The following FAM171A1 variants were observed in gnomAD, a reference collection of about 807,000 sequenced individuals.
The protein encoded by FAM171A1 is family with sequence similarity 171 member A1, also known as protein FAM171A1.
In FAM171A1, 23 loss-of-function variants were observed where a neutral mutation model predicts 74.9. That is an observed-to-expected ratio of 0.31 (90% CI 0.22 to 0.44). The LOEUF (loss-of-function observed/expected upper bound fraction) is 0.44, where lower values mean the gene tolerates loss of function less well. FAM171A1 is among the 20% of genes least tolerant of loss of function. The pLI, the probability that FAM171A1 is intolerant of heterozygous loss-of-function variation, is 1.00. For missense variants in FAM171A1, 1,162 were observed against 1,159.2 expected (o/e 1.00, Z -0.03); for synonymous variants, 527 against 505.7 (o/e 1.04, Z -0.57).
At chr10:15,217,421 T>TA (rs1459239448) in intron 6 of FAM171A1, among the ~76,000 whole-genome samples, 10 of 152,178 alleles carry the variant, frequency 6.6e-5, no homozygotes, top group Admixed American at 2.6e-4. Flanking sequence ...ATAGACTTTT[T>TA]AAAAAATCTT....
chr10:15,294,911 TTTTTG>T (rs771396776), intron 1 of FAM171A1, among the ~76,000 whole-genome samples: 2 of 152,004 alleles, frequency 1.3e-5, no homozygotes, highest in Admixed American at 6.6e-5. Flanking sequence ...TTGTTTTTTG[TTTTTG>T]TTTTGTTTTG....
At chr10:15,333,392 T>C (rs1254997707) in intron 1 of FAM171A1, among the ~76,000 whole-genome samples, 1 of 152,116 alleles carries the variant, frequency 6.6e-6, no homozygotes, top group Non-Finnish European at 1.5e-5. Flanking sequence ...CCCAGTTACC[T>C]GGGAGGCTAG....
At chr10:15,312,073 C>A (rs1448587583) in intron 1 of FAM171A1, among the ~76,000 whole-genome samples, 1 of 152,232 alleles carries the variant, frequency 6.6e-6, no homozygotes, top group Admixed American at 6.5e-5. Flanking sequence ...CCCAGCAGAG[C>A]TGAGATTCAA....
intron 1 of FAM171A1, among the ~76,000 whole-genome samples, chr10:15,299,926 C>T (rs1878623): frequency 0.69 from 104,965 of 151,446 alleles, 36,586 homozygotes; most frequent in East Asian, 0.92. Flanking sequence ...TGCAGTGAAC[C>T]GAGCTAGCCT....
At chr10:15,323,137 C>CAAA (rs71287331) in intron 1 of FAM171A1, among the ~76,000 whole-genome samples, 20 of 109,312 alleles carry the variant, frequency 1.8e-4, no homozygotes, top group African/African-American at 6.0e-4. Flanking sequence ...AAGACTGTCT[C>CAAA]AAAAAAAAAA....
intron 1 of FAM171A1, among the ~76,000 whole-genome samples, chr10:15,313,620 G>A (rs1226332972): frequency 1.3e-5 from 2 of 152,182 alleles, no homozygotes; most frequent in Non-Finnish European, 2.9e-5. Context: ...CGGTAGGTTT[G>A]TAACTCGTGA....
At chr10:15,255,077 T>C (rs960132313) in intron 3 of FAM171A1, among the ~76,000 whole-genome samples, 198 bp from the exon 4 acceptor site, 4 of 152,178 alleles carry the variant, frequency 2.6e-5, no homozygotes, top group Admixed American at 6.5e-5. Context: ...TAATAGCCCA[T>C]TGTCACATTT....
intron 1 of FAM171A1, among the ~76,000 whole-genome samples, chr10:15,324,526 T>C (rs1472725402): frequency 6.6e-6 from 1 of 152,220 alleles, no homozygotes; most frequent in African/African-American, 2.4e-5. Flanking sequence ...AAGTATTTTT[T>C]TGTGGCATCA....
intron 6 of FAM171A1, among the ~76,000 whole-genome samples, chr10:15,218,153 C>G (rs1588493061): frequency 6.6e-6 from 1 of 152,112 alleles, no homozygotes; most frequent in African/African-American, 2.4e-5. Context: ...GATCTGGGCT[C>G]ACTGCAACCT....
At position 15,228,129 on chromosome 10, in the gene FAM171A1, C is replaced by T. The variant is rs530820290; in HGVS notation, c.755-7069G>A. On this transcript the variant is annotated intron_variant, in intron 5 of 7. Transcript: ENST00000378116. ...GCCTAAGGAGATCACAGTTACCTGG[C>T]TTTTCCTGCCTGGCACATTTACTCT... Among the ~76,000 whole-genome samples the T allele has an allele frequency of 2.0e-5, 3 of 152,246 alleles. No individual in the cohort carries two copies. In the South Asian group the frequency reaches 6.2e-4, roughly 32 times the overall value.
rs189587641 is a variant in FAM171A1, at chr10:15,261,935, T to C, written c.419-7056A>G. On this transcript the variant is annotated intron_variant, in intron 3 of 7. Transcript: ENST00000378116. ...GAGTCTGAGAATAGCCTGGGCAACA[T>C]AGACCCCATCTCTACAAAAAATCTG... Among the ~76,000 whole-genome samples the C allele has an allele frequency of 4.8e-4, 73 of 152,112 alleles. 1 individual carries two copies. The highest frequency in any genetic ancestry group is 3.7e-3 in the South Asian group (18 of 4,804).
chr10:15,249,848 G>C (rs900669903), intron 4 of FAM171A1, among the ~76,000 whole-genome samples: 2 of 152,162 alleles, frequency 1.3e-5, no homozygotes, highest in African/African-American at 4.8e-5. Flanking sequence ...ATGCACTCAA[G>C]CAATCCATTT....
chr10:15,347,375 C>T (rs1263546076), intron 1 of FAM171A1, among the ~76,000 whole-genome samples: 2 of 152,138 alleles, frequency 1.3e-5, no homozygotes, highest in Non-Finnish European at 1.5e-5. Context: ...GGTCGGAAAT[C>T]GATGCAGTCT....
chr10:15,313,756 G>A (rs749920746), intron 1 of FAM171A1, among the ~76,000 whole-genome samples: 1 of 152,144 alleles, frequency 6.6e-6, no homozygotes, highest in Non-Finnish European at 1.5e-5. Flanking sequence ...TGCCATTCAC[G>A]GTTCACATTG....
chr10:15,256,356 C>G (rs1296638054), intron 3 of FAM171A1, among the ~76,000 whole-genome samples: 1 of 152,148 alleles, frequency 6.6e-6, no homozygotes, highest in East Asian at 1.9e-4. Flanking sequence ...GGACTTATGT[C>G]GGGGGCAGCC....
At chr10:15,276,861 T>C (rs189339326) in intron 2 of FAM171A1, among the ~76,000 whole-genome samples, 57 of 152,174 alleles carry the variant, frequency 3.7e-4, no homozygotes, top group African/African-American at 1.3e-3. Context: ...ATTTTCAAAA[T>C]TTTTTGTAGA....
chr10:15,303,644 G>C (rs1835259435), intron 1 of FAM171A1, among the ~76,000 whole-genome samples: 1 of 152,216 alleles, frequency 6.6e-6, no homozygotes, highest in South Asian at 2.1e-4. Flanking sequence ...TAGCAGAACA[G>C]AGGCTCCGCC....
At position 15,275,859 on chromosome 10, in the gene FAM171A1, G is replaced by C. The variant is rs768842517; in HGVS notation, c.414C>G (p.Phe138Leu). The change falls in exon 3 of 8, where the codon TTC becomes TTG. Residue 138 changes from phenylalanine (F) to leucine (L), a missense_variant. Physicochemically the swap from Phe to Leu is conservative, Grantham distance 22 (BLOSUM62 0). Transcript: ENST00000378116. ...TGAAAAAAATATTAAATATACCTTG[G>C]AATCCTGATACTATTTGGACGACAT... ...YEDVVQIVSG[F>L]QGARPQPRVH... The C allele has an allele frequency of 5.0e-6, 8 of 1,598,966 alleles. No homozygotes were observed. Among genetic ancestry groups the C allele is most frequent in the Non-Finnish European group, 6.8e-6 (8 of 1,169,692 alleles).
chr10:15,331,710 A>G (rs1424893711), intron 1 of FAM171A1, among the ~76,000 whole-genome samples: 1 of 151,408 alleles, frequency 6.6e-6, no homozygotes, highest in African/African-American at 2.4e-5. Context: ...ACACAGGCCA[A>G]TTACAGGACT....
Sources: allele counts gnomAD v4.1 joint callset (sites outside exome capture counted in the v4.1 genomes callset), GRCh38; gene constraint gnomAD v4.1.1; transcripts MANE v1.5; gene names NCBI Gene and HGNC (gene_info 2026-07-23, HGNC 2026-07-21).